Variants in TERB1 observed in about 807,000 individuals in gnomAD.
TERB1 encodes telomere repeat binding bouquet formation protein 1, also known as telomere repeats-binding bouquet formation protein 1.
Under a neutral mutation model 92.3 loss-of-function variants are expected in TERB1, and 63 were observed. That is an observed-to-expected ratio of 0.68 (90% CI 0.56 to 0.84). The LOEUF (loss-of-function observed/expected upper bound fraction) is 0.84. Among genes scored for constraint, TERB1 ranks in the 40% least tolerant of loss-of-function variants. The pLI is 0.00. For missense variants in TERB1, 709 were observed against 843.7 expected, an observed-to-expected ratio of 0.84 and a Z score of 1.98; for synonymous variants, 252 against 283.9, an observed-to-expected ratio of 0.89 and a Z score of 1.13.
At chr16:66,777,149 G>A in intron 11 of TERB1, 54 bp downstream of exon 11, 1 of 1,425,694 alleles carries the variant, frequency 7.0e-7, no homozygotes, top group Non-Finnish European at 9.3e-7. Context: ...AAAAACAGAA[G>A]TATATTTCCG....
intron 3 of TERB1, among the ~76,000 whole-genome samples, chr16:66,791,935 T>C (rs1440736171): frequency 6.6e-6 from 1 of 152,168 alleles, no homozygotes; most frequent in Non-Finnish European, 1.5e-5. Context: ...TCCCAACTTA[T>C]TCTATGAGGC....
intron 18 of TERB1, among the ~76,000 whole-genome samples, chr16:66,756,088 A>G (rs939064883): frequency 3.9e-5 from 6 of 152,234 alleles, no homozygotes; most frequent in African/African-American, 1.4e-4. Context: ...GGTGATGATT[A>G]CTAGGAAATA....
intron 4 of TERB1, 92 bp from the exon 5 acceptor site, chr16:66,790,815 A>G: frequency 7.0e-7 from 1 of 1,423,846 alleles, no homozygotes; most frequent in African/African-American, 1.4e-5. Flanking sequence ...GATATGTAGA[A>G]TAACTGAATG....
chr16:66,782,126 C>A (rs2018648216), intron 9 of TERB1, among the ~76,000 whole-genome samples: 1 of 152,002 alleles, frequency 6.6e-6, no homozygotes, highest in African/African-American at 2.4e-5. Context: ...ATATAGATAC[C>A]CACTTTTTCT....
At position 66,796,898 on chromosome 16, in the gene TERB1, G is replaced by A. The variant is rs538527507; in HGVS notation, c.-32-68C>T. ...GAATGGCAAAGATATAAGTACAAAT[G>A]GGCGGGAAAAATTGTTTTCCTGAAG... is the stretch of plus-strand genomic sequence containing the variant. On this transcript the variant is annotated intron_variant, in intron 2 of 18. Transcript: ENST00000433154. The A allele has an allele frequency of 6.4e-6, 5 of 776,696 alleles. No individual in the cohort carries two copies. The East Asian group carries it at 1.5e-4, about 23-fold the overall frequency. The allele number at this position is 776,696 out of a possible 1,614,324, so 48.1% of individuals were successfully genotyped here.
At chr16:66,774,327 A>G (rs1012159269) in intron 12 of TERB1, among the ~76,000 whole-genome samples, 1 of 151,650 alleles carries the variant, frequency 6.6e-6, no homozygotes, top group African/African-American at 2.4e-5. Flanking sequence ...CTGGGACTAC[A>G]GGCGTCTGCC....
At chr16:66,758,230 G>A (rs539586026) in intron 18 of TERB1, 1 of 153,600 alleles carries the variant, frequency 6.5e-6, no homozygotes, top group Non-Finnish European at 1.4e-5. Context: ...CACCTAGCAG[G>A]TGCTTAATAA....
intron 16 of TERB1, among the ~76,000 whole-genome samples, chr16:66,761,451 C>CAAA (rs376145995): frequency 0.019 from 2,048 of 106,952 alleles, 92 homozygotes; most frequent in African/African-American, 0.068. Context: ...GACTCTGTCT[C>CAAA]AAAAAAAAAA....
At chr16:66,760,863 C>A (rs2018230384) in intron 16 of TERB1, among the ~76,000 whole-genome samples, 1 of 143,574 alleles carries the variant, frequency 7.0e-6, no homozygotes, top group South Asian at 2.2e-4. Context: ...CCTGTAACCC[C>A]AGCACTTTGG....
At chr16:66,781,655 G>T (rs1256884153) in intron 9 of TERB1, among the ~76,000 whole-genome samples, 1 of 151,740 alleles carries the variant, frequency 6.6e-6, no homozygotes, top group East Asian at 1.9e-4. Flanking sequence ...GAGTAGCTGG[G>T]ACTACAGGCG....
chr16:66,771,508 A>G (rs1450769747), intron 13 of TERB1, among the ~76,000 whole-genome samples: 1 of 152,238 alleles, frequency 6.6e-6, no homozygotes, highest in Non-Finnish European at 1.5e-5. Flanking sequence ...TAAAGTTCAC[A>G]GCATCCATGA....
At position 66,788,192 on chromosome 16, in the gene TERB1, A is replaced by G; in HGVS notation, c.377T>C (p.Ile126Thr). The change falls in exon 6 of 19, where the codon ATT becomes ACT. Residue 126 changes from isoleucine to threonine, a missense_variant. By Grantham distance (89) the Ile-to-Thr change is moderately conservative. Coordinates refer to ENST00000433154, the MANE Select transcript of TERB1 (RefSeq NM_001136505.2). The stretch of plus-strand genomic sequence containing the variant: ...ACTATTATTTGAAACCAGAACCAAA[A>G]TAACATAAACAGACATTCTTTTCAA... ...INLKRMSVYV[I>T]LVLVSNNRTG... The G allele has an allele frequency of 1.3e-6, 2 of 1,489,806 alleles. No homozygotes were observed. The highest frequency in any genetic ancestry group is 1.8e-6 in the Non-Finnish European group (2 of 1,117,748). The allele number at this position is 1,489,806 out of a possible 1,614,324, so 92.3% of individuals were successfully genotyped here. A position where few individuals can be genotyped will look rare whatever the true frequency, so the allele number is the denominator to read the frequency against.
chr16:66,794,520 T>G (rs2018893448), intron 3 of TERB1, among the ~76,000 whole-genome samples: 2 of 152,210 alleles, frequency 1.3e-5, no homozygotes, highest in Non-Finnish European at 2.9e-5. Context: ...ACAACTATCA[T>G]GTTTCACCTT....
intron 12 of TERB1, 74 bp from the exon 13 acceptor site, chr16:66,772,823 C>T: frequency 1.8e-6 from 2 of 1,132,550 alleles, no homozygotes; most frequent in South Asian, 1.6e-5. Context: ...CTTCACAGCC[C>T]ACCCTCTCCT....
rs563009751 is a variant in TERB1, at chr16:66,780,919, T to C, written c.701-1904A>G. Among the ~76,000 whole-genome samples the C allele has an allele frequency of 2.0e-5, 3 of 152,332 alleles. No homozygotes were observed. In the East Asian group the frequency reaches 5.8e-4, roughly 29 times the overall value. On this transcript the variant is annotated intron_variant, in intron 9 of 18. Transcript: ENST00000433154. ...CTTGAATATAGATATACATCAGCAA[T>C]GTGTGAAAGTTCTAGTTGTTCCACA... is the stretch of plus-strand genomic sequence containing the variant.
chr16:66,788,809 T>C (rs1166629973), intron 5 of TERB1, among the ~76,000 whole-genome samples: 1 of 151,828 alleles, frequency 6.6e-6, no homozygotes, highest in Admixed American at 6.6e-5. Flanking sequence ...AAAAATAATA[T>C]AGACATAAAG....
chr16:66,794,738 G>A (rs972642807), intron 3 of TERB1, among the ~76,000 whole-genome samples: 5 of 152,074 alleles, frequency 3.3e-5, no homozygotes, highest in South Asian at 2.1e-4. Context: ...GTGAAACCCC[G>A]TCTCTACTAA....
chr16:66,768,670 T>C (rs544209569), intron 14 of TERB1, among the ~76,000 whole-genome samples: 1 of 152,346 alleles, frequency 6.6e-6, no homozygotes, highest in East Asian at 1.9e-4. Context: ...GCAAGAACTG[T>C]AGATCAGATA....
intron 16 of TERB1, among the ~76,000 whole-genome samples, chr16:66,760,884 C>T (rs1306123310): frequency 1.4e-5 from 2 of 140,040 alleles, no homozygotes; most frequent in East Asian, 2.1e-4. Flanking sequence ...GAGGCTGAGG[C>T]GGGCTGATCA....
Sources: gnomAD v4.1 joint callset for allele counts (sites outside exome capture counted in the v4.1 genomes callset) on GRCh38, gnomAD v4.1.1 for gene constraint, MANE v1.5 for transcripts, NCBI Gene and HGNC (gene_info 2026-07-23, HGNC 2026-07-21) for gene names.